Variants in CCNT2 observed in about 807,000 individuals in gnomAD.
CCNT2 encodes the protein cyclin-T2.
Under a neutral mutation model 70.0 loss-of-function variants are expected in CCNT2, and 18 were observed. The observed-to-expected ratio is 0.26, with a 90% CI of 0.18 to 0.38. CCNT2 has a LOEUF of 0.38. Among genes scored for constraint, CCNT2 ranks in the 10% least tolerant of loss-of-function variants. The pLI is 1.00. For missense variants in CCNT2, 734 were observed against 890.2 expected (o/e 0.82, Z 2.23); for synonymous variants, 334 against 313.3 (o/e 1.07, Z -0.70).
intron 2 of CCNT2, among the ~76,000 whole-genome samples, chr2:134,927,973 C>G (rs961929121): frequency 6.6e-6 from 1 of 152,174 alleles, no homozygotes; most frequent in African/African-American, 2.4e-5. Context: ...GGAGCTGATA[C>G]AGAAAAGAAA....
chr2:134,926,780 G>A (rs1251179291), intron 2 of CCNT2, among the ~76,000 whole-genome samples: 1 of 152,190 alleles, frequency 6.6e-6, no homozygotes, highest in Non-Finnish European at 1.5e-5. Flanking sequence ...GGAATGGCTT[G>A]TCATGTGATT....
chr2:134,953,343 T>C lies in CCNT2; in HGVS notation c.888T>C (p.Pro296=). The C allele has an allele frequency of 6.2e-7, 1 of 1,607,936 alleles. No homozygotes were observed. The highest frequency in any genetic ancestry group is 1.3e-5 in the African/African-American group (1 of 74,708). ...SILVDSVTGV[P]TNPSFQKPST... ...TAGTAGATAGTGTCACTGGTGTGCC[T>C]ACAAACCCAAGTTTTCAGAAACCAT... Residue 296 remains proline (P), a synonymous_variant, in exon 9 of 9, where the codon CCT becomes CCC. Coordinates refer to ENST00000264157, the MANE Select transcript of CCNT2 (RefSeq NM_058241.3).
chr2:134,934,559 G>GAAATT (rs1681014265), intron 2 of CCNT2, among the ~76,000 whole-genome samples: 1 of 152,170 alleles, frequency 6.6e-6, no homozygotes, highest in African/African-American at 2.4e-5. Context: ...AATCATCCTT[G>GAAATT]AAATTAAAGC....
chr2:134,949,442 T>C (rs796488038), intron 7 of CCNT2, among the ~76,000 whole-genome samples: 17 of 152,334 alleles, frequency 1.1e-4, no homozygotes, highest in South Asian at 4.1e-4. Flanking sequence ...AGTAAAACTT[T>C]TGTTGACAAA....
At chr2:134,949,888 C>T (rs1292995485) in intron 7 of CCNT2, among the ~76,000 whole-genome samples, 2 of 152,042 alleles carry the variant, frequency 1.3e-5, no homozygotes, top group African/African-American at 2.4e-5. Flanking sequence ...CTCCGCCTCC[C>T]GGGTTCAAGC....
chr2:134,929,611 A>G (rs113264187), intron 2 of CCNT2, among the ~76,000 whole-genome samples: 2 of 50,112 alleles, frequency 4.0e-5, no homozygotes, highest in African/African-American at 2.3e-4. Context: ...CTGTCTCAAA[A>G]ACAGAGAGAG....
At chr2:134,943,508 G>T (rs1418834152) in intron 5 of CCNT2, 10 of 983,494 alleles carry the variant, frequency 1.0e-5, no homozygotes, top group Non-Finnish European at 1.2e-5. Flanking sequence ...TACTAAAAGT[G>T]GTTTCCTTTT....
intron 5 of CCNT2, chr2:134,945,059 C>T (rs1659686225): frequency 4.1e-6 from 4 of 985,356 alleles, no homozygotes; most frequent in Non-Finnish European, 4.8e-6. Flanking sequence ...GTGATTTCTC[C>T]TTCCCTCCCC....
At chr2:134,919,095 C>T (rs1679632870) in intron 1 of CCNT2, 83 bp downstream of exon 1, 1 of 1,457,826 alleles carries the variant, frequency 6.9e-7, no homozygotes, top group Admixed American at 2.3e-5. Context: ...CATGGCGCCG[C>T]CGGCCTCGGC....
intron 4 of CCNT2, among the ~76,000 whole-genome samples, chr2:134,940,090 A>G (rs1387081560): frequency 2.0e-5 from 3 of 152,134 alleles, no homozygotes; most frequent in Non-Finnish European, 4.4e-5. Context: ...TCTGAGTCAT[A>G]TCGTGAATTT....
Position 134,918,880 on chromosome 2 carries a change from C to G in CCNT2, c.26C>G (p.Ser9Cys), listed in dbSNP as rs1432217857. The change falls in exon 1 of 9, where the codon TCT becomes TGT. Residue 9 changes from serine to cysteine, a missense_variant. By Grantham distance (112) the Ser-to-Cys change is moderately radical. This residue lies in a region of CCNT2 where 41 missense variants were observed against 29.5 expected (regional missense o/e 1.39). Coordinates refer to ENST00000264157, the MANE Select transcript of CCNT2 (RefSeq NM_058241.3). The part of the protein sequence containing the change: MASGRGAS[S>C]RWFFTREQLE... The stretch of plus-strand genomic sequence containing the variant: ...ATGGCGTCGGGCCGTGGAGCTTCTT[C>G]TCGCTGGTTCTTTACTCGGGAACAG... 1 of 1,613,686 alleles carries G rather than the reference C, an allele frequency of 6.2e-7. No homozygotes were observed. Among genetic ancestry groups the G allele is most frequent in the Admixed American group, 1.7e-5 (1 of 59,996 alleles).
Position 134,954,545 on chromosome 2 carries a change from C to T in CCNT2, c.2090C>T (p.Pro697Leu). 2 of 1,613,974 alleles carry T rather than the reference C, an allele frequency of 1.2e-6. No individual in the cohort carries two copies. The highest frequency in any genetic ancestry group is 8.5e-7 in the Non-Finnish European group (1 of 1,179,850). Residue 697 changes from proline (P) to leucine (L), a missense_variant, in exon 9 of 9, where the codon CCT (proline) becomes CTT (leucine). This residue lies in a region of CCNT2 where 532 missense variants were observed against 556.9 expected (regional missense o/e 0.96). Coordinates refer to ENST00000264157, the MANE Select transcript of CCNT2 (RefSeq NM_058241.3). ...LDKKPVETNGPDANHEYSTSS... is the reference protein window; with the variant it reads ...LDKKPVETNGLDANHEYSTSS... ...AAGAAGCCAGTGGAGACCAACGGTC[C>T]TGATGCCAATCACGAGTACAGTACA...
At chr2:134,931,422 TC>T (rs1245806582) in intron 2 of CCNT2, among the ~76,000 whole-genome samples, 2 of 151,962 alleles carry the variant, frequency 1.3e-5, no homozygotes, top group African/African-American at 2.4e-5. Flanking sequence ...TGGATTCTAT[TC>T]CATCCCCTTA....
intron 4 of CCNT2, among the ~76,000 whole-genome samples, chr2:134,940,354 T>TGAAAAAATTAA (rs58046927): frequency 0.35 from 52,754 of 151,550 alleles, 9,961 homozygotes; most frequent in Middle Eastern, 0.67. Context: ...CTAGAAATAT[T>TGAAAAAATTAA]GAAAAAATTG....
At chr2:134,953,164 A>T in intron 8 of CCNT2, 66 bp from the exon 9 acceptor site, 2 of 1,138,540 alleles carry the variant, frequency 1.8e-6, no homozygotes, top group Non-Finnish European at 2.5e-6. Flanking sequence ...TAACTTTTAT[A>T]AGACAAGAAA....
chr2:134,927,813 A>C (rs934934225), intron 2 of CCNT2, among the ~76,000 whole-genome samples: 8 of 152,184 alleles, frequency 5.3e-5, no homozygotes, highest in African/African-American at 1.2e-4. Context: ...AAATGATGGA[A>C]TCTCCTTACC....
At chr2:134,945,347 A>G (rs1681875116) in intron 5 of CCNT2, 1 of 985,278 alleles carries the variant, frequency 1.0e-6, no homozygotes, top group African/African-American at 1.7e-5. Context: ...AACTATAACA[A>G]GAGCATCCCT....
chr2:134,918,849 A>T lies in CCNT2; in HGVS notation c.-6A>T, dbSNP rs770619354. ...GAATGAAGGAGCGGGCGGAGGAGGA[A>T]GTGTCATGGCGTCGGGCCGTGGAGC... On this transcript the variant is annotated 5_prime_UTR_variant, in exon 1 of 9. In the 5' UTR this introduces an upstream ATG that the reference lacks. Coordinates refer to ENST00000264157, the MANE Select transcript of CCNT2 (RefSeq NM_058241.3). The T allele has an allele frequency of 6.2e-7, 1 of 1,610,352 alleles. No homozygotes were observed. The highest frequency in any genetic ancestry group is 8.5e-7 in the Non-Finnish European group (1 of 1,177,850).
chr2:134,943,577 C>T (rs1334980652), intron 5 of CCNT2: 3 of 984,706 alleles, frequency 3.0e-6, no homozygotes, highest in Non-Finnish European at 3.6e-6. Flanking sequence ...GCCTGTTAAG[C>T]GTCTTGTTTA....
Sources: gnomAD v4.1 joint callset for allele counts (sites outside exome capture counted in the v4.1 genomes callset) on GRCh38, gnomAD v4.1.1 for gene constraint, gnomAD v4.1.1 regional missense constraint, MANE v1.5 for transcripts, NCBI Gene and HGNC (gene_info 2026-07-23, HGNC 2026-07-21) for gene names.